Variants in KIF6 observed in about 807,000 individuals in gnomAD.
KIF6 encodes the protein kinesin family member 6.
Under a neutral mutation model 112.7 loss-of-function variants are expected in KIF6, and 106 were observed. The ratio of observed to expected loss-of-function variants is 0.94; its 90% confidence interval spans 0.80 to 1.11. The LOEUF is 1.11. Ranked by LOEUF, KIF6 falls within the 50% of genes least tolerant of loss-of-function variation. The probability of loss-of-function intolerance (pLI) is 0.00; values close to 1 mark genes in which losing one functional copy is unlikely to be tolerated. For missense variants in KIF6, 929 were observed against 964.0 expected, an observed-to-expected ratio of 0.96 and a Z score of 0.48; for synonymous variants, 339 against 339.9, an observed-to-expected ratio of 1.00 and a Z score of 0.03.
At chr6:39,422,406 C>G (rs1770439800) in intron 14 of KIF6, among the ~76,000 whole-genome samples, 1 of 152,168 alleles carries the variant, frequency 6.6e-6, no homozygotes, top group Admixed American at 6.5e-5. Context: ...ACGAGCTGTT[C>G]CTGTTTCTCT....
intron 15 of KIF6, among the ~76,000 whole-genome samples, chr6:39,416,248 C>T (rs1225992891): frequency 2.0e-5 from 3 of 152,240 alleles, no homozygotes; most frequent in Non-Finnish European, 2.9e-5. Flanking sequence ...AAAACTAATG[C>T]CTGGATTCTA....
chr6:39,383,860 A>C (rs1767180838), intron 16 of KIF6, among the ~76,000 whole-genome samples: 1 of 152,150 alleles, frequency 6.6e-6, no homozygotes, highest in South Asian at 2.1e-4. Flanking sequence ...CCTCATAGAG[A>C]TCTTTCACCT....
In KIF6 at chr6:39,342,548, CA is replaced by C. The variant is rs1763377449; in HGVS notation, c.2428+1160del. Among the ~76,000 whole-genome samples the C allele has an allele frequency of 6.6e-6, 1 of 150,808 alleles. No homozygotes were observed. Among genetic ancestry groups the C allele is most frequent in the Non-Finnish European group, 1.5e-5 (1 of 67,964 alleles). ...CTGTTCAGTGCCTGATACCTATCAT[CA>C]GAGTATTTGGGGCATAGATGGGGAC... On this transcript the variant is annotated intron_variant, in intron 22 of 22. Transcript: ENST00000287152. The surrounding 1 kb of genome is among the most constrained non-coding windows in gnomAD (Gnocchi z 4.7).
intron 14 of KIF6, among the ~76,000 whole-genome samples, chr6:39,422,641 G>A (rs1359816899): frequency 6.6e-6 from 1 of 152,136 alleles, no homozygotes; most frequent in African/African-American, 2.4e-5. Context: ...AGATGGGAGA[G>A]ATGAGAAGGC....
In KIF6 at chr6:39,335,054, A is replaced by C. The variant is rs897348280; in HGVS notation, c.*1478T>G. 2.0e-5 allele frequency: 3 copies of C among 152,216 alleles called. No homozygotes were observed. Among genetic ancestry groups the C allele is most frequent in the African/African-American group, 7.2e-5 (3 of 41,450 alleles). The allele number at this position is 152,216 out of a possible 1,614,324, so 9.4% of individuals were successfully genotyped here. A position where few individuals can be genotyped will look rare whatever the true frequency, so the allele number is the denominator to read the frequency against. ...TGAACTGAAGGACCGTTTACTGAAC[A>C]GCGACTCTGTGCTTGGGACACAGCA... On this transcript the variant is annotated 3_prime_UTR_variant, in exon 23 of 23. Transcript: ENST00000287152.
chr6:39,477,964 C>T (rs536584855), intron 13 of KIF6, among the ~76,000 whole-genome samples: 29 of 152,172 alleles, frequency 1.9e-4, no homozygotes, highest in Middle Eastern at 6.8e-3. Flanking sequence ...GAAATGGTTA[C>T]TACAGCAAAA....
intron 3 of KIF6, among the ~76,000 whole-genome samples, chr6:39,675,884 G>A (rs902559278): frequency 6.6e-5 from 10 of 151,832 alleles, no homozygotes; most frequent in Admixed American, 2.0e-4. Context: ...GGTGAGAAAA[G>A]GCTTAATGAA....
At chr6:39,386,079 C>T (rs1398678327) in intron 15 of KIF6, among the ~76,000 whole-genome samples, 1 of 152,192 alleles carries the variant, frequency 6.6e-6, no homozygotes, top group Non-Finnish European at 1.5e-5. Flanking sequence ...CTACATGAAA[C>T]TGTGTCAAAT....
At chr6:39,349,470 A>G (rs1764048423) in intron 19 of KIF6, among the ~76,000 whole-genome samples, 1 of 151,948 alleles carries the variant, frequency 6.6e-6, no homozygotes, top group African/African-American at 2.4e-5. Flanking sequence ...GGGGGATGTA[A>G]GGCAGGAATA....
In KIF6 at chr6:39,655,449, T is replaced by G. The variant is rs1785725104; in HGVS notation, c.252-15692A>C. On this transcript the variant is annotated intron_variant, in intron 3 of 22. Coordinates refer to ENST00000287152, the MANE Select transcript of KIF6 (RefSeq NM_145027.6). ...TATAGTGGCCTTTGTTGTCCAAAAA[T>G]TTTATTTTAATTAAGTCAAATTTTT... Among the ~76,000 whole-genome samples, 3 of 152,128 alleles carry G rather than the reference T, an allele frequency of 2.0e-5. 1 individual carries two copies. Among genetic ancestry groups the G allele is most frequent in the Admixed American group, 1.3e-4 (2 of 15,278 alleles).
chr6:39,630,236 TTTAGA>T, intron 5 of KIF6, among the ~76,000 whole-genome samples: 1 of 152,200 alleles, frequency 6.6e-6, no homozygotes, highest in Middle Eastern at 3.4e-3. Context: ...AGGAATTTGC[TTTAGA>T]TTAAATTGAT....
At chr6:39,496,848 A>G (rs747156008) in intron 13 of KIF6, among the ~76,000 whole-genome samples, 11 of 152,242 alleles carry the variant, frequency 7.2e-5, no homozygotes, top group Admixed American at 5.2e-4. Context: ...CCTTCACAAA[A>G]TTAACAAATT....
intron 18 of KIF6, 104 bp downstream of exon 18, chr6:39,360,291 C>G: frequency 2.3e-6 from 3 of 1,329,982 alleles, no homozygotes; most frequent in Non-Finnish European, 3.1e-6. Context: ...GGGCTGAGAC[C>G]ATGGGGGCCT....
chr6:39,337,177 T>TTCTC (rs1414756011), intron 22 of KIF6, among the ~76,000 whole-genome samples: 3 of 68,630 alleles, frequency 4.4e-5, no homozygotes, highest in Non-Finnish European at 7.5e-5. Context: ...CCTTCCTTCT[T>TTCTC]TCTTTCTTTC....
intron 20 of KIF6, among the ~76,000 whole-genome samples, chr6:39,346,067 TCTCTCTCTCTCTCTCTCTCCCCC>T (rs1763705983): frequency 5.5e-5 from 1 of 18,296 alleles, no homozygotes; most frequent in African/African-American, 5.8e-4. Flanking sequence ...TCTCTCTCTC[TCTCTCTCTCTCTCTCTCTCCCCC>T]CCCTCTCCCT....
intron 22 of KIF6, among the ~76,000 whole-genome samples, chr6:39,337,336 G>A (rs774617869): frequency 2.9e-5 from 4 of 139,274 alleles, no homozygotes; most frequent in South Asian, 2.3e-4. Flanking sequence ...CTTTCTGGAC[G>A]GAGTCTTGCT....
intron 3 of KIF6, among the ~76,000 whole-genome samples, chr6:39,688,976 T>A (rs1289697594): frequency 1.3e-5 from 2 of 152,090 alleles, no homozygotes; most frequent in East Asian, 3.9e-4. Context: ...TGCCACCACA[T>A]CTGGATAATT....
chr6:39,527,189 T>C (rs1777785328), intron 13 of KIF6, among the ~76,000 whole-genome samples: 1 of 152,266 alleles, frequency 6.6e-6, no homozygotes. Flanking sequence ...AAGCACCAGC[T>C]CCACTGTTCT....
In KIF6 at chr6:39,368,981, C is replaced by T. The variant is rs540307281; in HGVS notation, c.1862-6463G>A. Among the ~76,000 whole-genome samples, 6 of 152,314 alleles carry T rather than the reference C, an allele frequency of 3.9e-5. No homozygotes were observed. The South Asian group carries it at 8.3e-4, about 21-fold the overall frequency. ...GGTGGTCGTCTTGGCCATCCAACTA[C>T]CCAACTAATGATTCATTTGCTGAAT... On this transcript the variant is annotated intron_variant, in intron 16 of 22. Transcript: ENST00000287152.
Sources: gnomAD v4.1 joint callset for allele counts (sites outside exome capture counted in the v4.1 genomes callset) on GRCh38, gnomAD v4.1.1 for gene constraint, Gnocchi (gnomAD v3.1) non-coding constraint, MANE v1.5 for transcripts, NCBI Gene and HGNC (gene_info 2026-07-23, HGNC 2026-07-21) for gene names.